The following HEXA variants were observed in gnomAD, a reference collection of about 807,000 sequenced individuals.
The protein encoded by HEXA is beta-hexosaminidase subunit alpha.
In HEXA, 54 loss-of-function variants were observed where a neutral mutation model predicts 73.3. The ratio of observed to expected loss-of-function variants is 0.74; its 90% CI spans 0.59 to 0.92. The LOEUF (loss-of-function observed/expected upper bound fraction) is 0.92. HEXA is among the 40% of genes least tolerant of loss of function. The pLI is 0.00. For synonymous variants in HEXA, 230 were observed against 246.9 expected, an observed-to-expected ratio of 0.93 and a Z score of 0.64; for missense variants, 649 against 653.0, an observed-to-expected ratio of 0.99 and a Z score of 0.07.
chr15:72,344,184 G>A (rs761877599), intron 13 of HEXA, 44 bp from the exon 14 acceptor site: 6 of 1,509,404 alleles, frequency 4.0e-6, no homozygotes, highest in Non-Finnish European at 5.5e-6. Context: ...CCCCTCAGAA[G>A]GGGCCCCAGC....
intron 9 of HEXA, 56 bp from the exon 10 acceptor site, chr15:72,347,814 CTGTT>C (rs1595798194): frequency 9.9e-6 from 15 of 1,522,402 alleles, no homozygotes; most frequent in Non-Finnish European, 1.4e-5. Flanking sequence ...GGGTTCTAGA[CTGTT>C]TGTGCCAGTG....
intron 1 of HEXA, among the ~76,000 whole-genome samples, chr15:72,368,544 T>C (rs1199936846): frequency 6.6e-6 from 1 of 152,202 alleles, no homozygotes; most frequent in Non-Finnish European, 1.5e-5. Flanking sequence ...CCTTCCGTGT[T>C]CTACTTCCCT....
At chr15:72,354,898 CAG>C (rs2088753301) in intron 3 of HEXA, 1 of 153,838 alleles carries the variant, frequency 6.5e-6, no homozygotes, top group Non-Finnish European at 1.4e-5. Context: ...TCATTTTCTC[CAG>C]AAATAATGTA....
At chr15:72,374,315 T>C (rs917461708) in intron 1 of HEXA, among the ~76,000 whole-genome samples, 1 of 152,192 alleles carries the variant, frequency 6.6e-6, no homozygotes, top group African/African-American at 2.4e-5. Flanking sequence ...TTATTTGTCA[T>C]GAAGGATTCA....
At chr15:72,351,957 A>C (rs2088704181) in intron 5 of HEXA, among the ~76,000 whole-genome samples, 1 of 136,726 alleles carries the variant, frequency 7.3e-6, no homozygotes, top group African/African-American at 3.0e-5. Flanking sequence ...TCCTTCACTT[A>C]TTTATTTATT....
chr15:72,349,898 G>A (rs930895496), intron 7 of HEXA, among the ~76,000 whole-genome samples: 24 of 152,184 alleles, frequency 1.6e-4, no homozygotes, highest in Middle Eastern at 3.4e-3. Context: ...CGAGTAGCTG[G>A]GATTACAGGC....
At chr15:72,361,282 G>A (rs962256053) in intron 1 of HEXA, among the ~76,000 whole-genome samples, 2 of 152,056 alleles carry the variant, frequency 1.3e-5, no homozygotes, top group African/African-American at 4.8e-5. Flanking sequence ...CTTAGCTTAG[G>A]GGACATTGCT....
chr15:72,363,604 T>A (rs2140334272), intron 1 of HEXA, among the ~76,000 whole-genome samples: 1 of 152,270 alleles, frequency 6.6e-6, no homozygotes, highest in South Asian at 2.1e-4. Context: ...TTAGTCTAGA[T>A]CATGGTACCT....
chr15:72,349,237 A>G lies in HEXA; in HGVS notation c.828T>C (p.Pro276=). 1 of 1,614,124 alleles carries G rather than the reference A, an allele frequency of 6.2e-7. No individual in the cohort carries two copies. Among genetic ancestry groups the G allele is most frequent in the South Asian group, 1.1e-5 (1 of 91,082 alleles). The change falls in exon 8 of 14, where the codon CCT becomes CCC. Residue 276 remains proline, a synonymous_variant. Coordinates refer to ENST00000268097, the MANE Select transcript of HEXA (RefSeq NM_000520.6). ...CAGAGGGCTCAGACCCAGAGTAGCAAGGAGTCAGTAATCCAGGGATACCTA... is the reference window on the plus strand; with the variant it reads ...CAGAGGGCTCAGACCCAGAGTAGCAGGGAGTCAGTAATCCAGGGATACCTA... ...WGPGIPGLLT[P]CYSGSEPSGT...
intron 12 of HEXA, chr15:72,345,827 T>A: frequency 1.8e-6 from 1 of 543,880 alleles, no homozygotes; most frequent in Admixed American, 3.1e-5. Flanking sequence ...TTAACCACAA[T>A]GACAGTGGCA....
At chr15:72,347,994 G>C in intron 9 of HEXA, 54 bp downstream of exon 9, 1 of 1,248,328 alleles carries the variant, frequency 8.0e-7, no homozygotes, top group South Asian at 1.2e-5. Flanking sequence ...TGGAAAGGGA[G>C]GACCCCACAG....
At chr15:72,365,627 G>A (rs779914667) in intron 1 of HEXA, among the ~76,000 whole-genome samples, 1 of 151,914 alleles carries the variant, frequency 6.6e-6, no homozygotes, top group Non-Finnish European at 1.5e-5. Context: ...CACTTCAATG[G>A]TCTTTTATCT....
At chr15:72,349,316 G>A (rs945923428) in intron 7 of HEXA, 57 bp from the exon 8 acceptor site, 2 of 1,334,292 alleles carry the variant, frequency 1.5e-6, no homozygotes, top group Admixed American at 3.4e-5. Context: ...CCCACGCACA[G>A]TCCTACACGT....
chr15:72,347,595 G>A, intron 10 of HEXA, 91 bp downstream of exon 10: 2 of 1,030,518 alleles, frequency 1.9e-6, no homozygotes, highest in Non-Finnish European at 3.1e-6. Context: ...ATCCAAACCA[G>A]GAGGATCAGT....
At chr15:72,363,446 G>A (rs1321160409) in intron 1 of HEXA, among the ~76,000 whole-genome samples, 1 of 152,212 alleles carries the variant, frequency 6.6e-6, no homozygotes, top group Non-Finnish European at 1.5e-5. Flanking sequence ...CTACCAAGAG[G>A]AGAAAAGGTA....
chr15:72,370,374 A>C (rs1277763017), intron 1 of HEXA: 1 of 361,018 alleles, frequency 2.8e-6, no homozygotes, highest in Non-Finnish European at 4.9e-6. Flanking sequence ...TGGACTCAGT[A>C]CTATACAGGG....
intron 1 of HEXA, among the ~76,000 whole-genome samples, chr15:72,375,150 G>A (rs1034810813): frequency 1.8e-4 from 28 of 151,620 alleles, no homozygotes; most frequent in African/African-American, 6.5e-4. Flanking sequence ...GTGCAGTGGC[G>A]CGATCTCAGC....
chr15:72,364,523 T>C (rs898091096), intron 1 of HEXA, among the ~76,000 whole-genome samples: 3 of 152,194 alleles, frequency 2.0e-5, no homozygotes, highest in Non-Finnish European at 4.4e-5. Flanking sequence ...AACACTCTAG[T>C]AAACAAATAT....
In HEXA at chr15:72,345,492, T is replaced by A; in HGVS notation, c.1480A>T (p.Thr494Ser). 6.2e-7 allele frequency: 1 copy of A among 1,614,260 alleles called. No individual in the cohort carries two copies. The highest frequency in any genetic ancestry group is 1.3e-5 in the African/African-American group (1 of 75,078). The change falls in exon 13 of 14, where the codon ACA becomes TCA. Residue 494 changes from threonine to serine, a missense_variant. Thr to Ser is a moderately conservative substitution (Grantham distance 58). Transcript: ENST00000268097. Reference protein sequence around the residue: ...LWSNKLTSDLTFAYERLSHFR... With the variant: ...LWSNKLTSDLSFAYERLSHFR... ...TGTGACAAACGTTCATAGGCAAATGTCAGGTCAGATGTCAACTTGTTGCTC... is the reference window on the plus strand; with the variant it reads ...TGTGACAAACGTTCATAGGCAAATGACAGGTCAGATGTCAACTTGTTGCTC...
Sources: gnomAD v4.1 joint callset for allele counts (sites outside exome capture counted in the v4.1 genomes callset) on GRCh38, gnomAD v4.1.1 for gene constraint, MANE v1.5 for transcripts, NCBI Gene and HGNC (gene_info 2026-07-23, HGNC 2026-07-21) for gene names.